Variants in INSR observed in about 807,000 individuals in gnomAD.
INSR encodes insulin receptor.
A neutral mutation model predicts 142.6 loss-of-function variants in INSR; 67 were observed. The ratio of observed to expected loss-of-function variants is 0.47; its 90% confidence interval spans 0.39 to 0.58. The LOEUF (loss-of-function observed/expected upper bound fraction) is 0.58, where lower values mean the gene tolerates loss of function less well. INSR is among the 20% of genes least tolerant of loss of function. The pLI, the probability that INSR is intolerant of heterozygous loss-of-function variation, is 0.00. For missense variants in INSR, 1,248 were observed against 1,833.2 expected (o/e 0.68, Z 5.83); for synonymous variants, 756 against 743.1 (o/e 1.02, Z -0.28).
At chr19:7,284,119 C>A (rs1264736962) in intron 1 of INSR, among the ~76,000 whole-genome samples, 1 of 151,904 alleles carries the variant, frequency 6.6e-6, no homozygotes, top group Non-Finnish European at 1.5e-5. Flanking sequence ...GGCTGGAGTG[C>A]AGTGGCACCG....
intron 9 of INSR, 138 bp from the exon 10 acceptor site, chr19:7,153,065 ACC>A: frequency 5.2e-6 from 2 of 383,240 alleles, no homozygotes; most frequent in Non-Finnish European, 9.9e-6. Flanking sequence ...ACACACACAC[ACC>A]ACACACATCA....
chr19:7,200,876 A>AG (rs1396761299), intron 2 of INSR, among the ~76,000 whole-genome samples: 1 of 150,924 alleles, frequency 6.6e-6, no homozygotes, highest in East Asian at 1.9e-4. Context: ...AAAAAAAAAA[A>AG]AAAAAGGCTG....
In INSR at chr19:7,115,271, G is replaced by C. The variant is rs1972295766; in HGVS notation, c.*1785C>G. ...TGAACCAAAGTGATGAGTTCACTGT[G>C]TTCTTTGAGCAGCTGTGGTGGTTCT... On this transcript the variant is annotated 3_prime_UTR_variant, in exon 22 of 22. Transcript: ENST00000302850. 1.3e-5 allele frequency: 2 copies of C among 152,366 alleles called. No individual in the cohort carries two copies. The highest frequency in any genetic ancestry group is 4.1e-4 in the South Asian group (2 of 4,832). 9.4% of individuals were successfully genotyped at this position (152,366 alleles called of 1,614,324 possible). A position where few individuals can be genotyped will look rare whatever the true frequency, so the allele number is the denominator to read the frequency against.
At chr19:7,285,820 G>A (rs932237467) in intron 1 of INSR, among the ~76,000 whole-genome samples, 12 of 152,110 alleles carry the variant, frequency 7.9e-5, no homozygotes, top group African/African-American at 2.9e-4. Flanking sequence ...AGGGGTGGAG[G>A]TGGTTTAGTG....
chr19:7,174,754 G>A (rs769079021), intron 3 of INSR, 23 bp from the exon 4 acceptor site: 61 of 1,603,006 alleles, frequency 3.8e-5, no homozygotes, highest in Non-Finnish European at 4.8e-5. Flanking sequence ...CAGAGAGAGA[G>A]AGAAAGAGAA....
rs568258415 is a variant in INSR at position 7,119,741 on chromosome 19, C to T, written c.3660-158G>A. ...ACATGCAAACACACACGCACATACA[C>T]GTGCACACACATGCAAATACACACA... On this transcript the variant is annotated intron_variant, in intron 20 of 21. Coordinates refer to ENST00000302850, the MANE Select transcript of INSR (RefSeq NM_000208.4). The surrounding 1 kb of genome is among the most constrained non-coding windows in gnomAD (Gnocchi z 5.2). 1.3e-5 allele frequency among the ~76,000 whole-genome samples: 2 copies of T among 150,836 alleles called. No homozygotes were observed. The highest frequency in any genetic ancestry group is 2.1e-4 in the South Asian group (1 of 4,738).
intron 13 of INSR, among the ~76,000 whole-genome samples, chr19:7,139,554 G>A (rs577862308): frequency 9.9e-5 from 15 of 152,188 alleles, no homozygotes; most frequent in Admixed American, 3.9e-4. Flanking sequence ...GCATATGCAC[G>A]TTTCTGCCAA....
chr19:7,148,477 C>CTTT (rs71177160), intron 11 of INSR, among the ~76,000 whole-genome samples: 28,906 of 94,616 alleles, frequency 0.31, 7,262 homozygotes, highest in Middle Eastern at 0.41. Flanking sequence ...TGTATTTATT[C>CTTT]TTTTTTTTTT....
At chr19:7,281,588 C>T (rs1041527386) in intron 1 of INSR, among the ~76,000 whole-genome samples, 3 of 151,690 alleles carry the variant, frequency 2.0e-5, no homozygotes, top group African/African-American at 4.8e-5. Context: ...GGAGGAAGCG[C>T]GAGAATCATT....
intron 2 of INSR, among the ~76,000 whole-genome samples, chr19:7,229,326 ATGGATAGATG>A (rs1270054586): frequency 2.9e-4 from 21 of 71,320 alleles, no homozygotes; most frequent in Non-Finnish European, 5.4e-4. Context: ...GGATGGATGG[ATGGATAGATG>A]GATGGATGGA....
intron 2 of INSR, among the ~76,000 whole-genome samples, chr19:7,262,450 C>T (rs918620818): frequency 2.0e-5 from 3 of 152,036 alleles, no homozygotes; most frequent in Admixed American, 1.3e-4. Flanking sequence ...CCAGCCTGGG[C>T]GACGAGAGCA....
rs769943820 is a variant in INSR, at chr19:7,174,767, G to C, written c.975-36C>G. ...AGCAGAGAGAGAGAGAAAGAGAAAGGGGAGGGGGGTGTCACGGTATCCAAG... is the reference window on the plus strand; with the variant it reads ...AGCAGAGAGAGAGAGAAAGAGAAAGCGGAGGGGGGTGTCACGGTATCCAAG... On this transcript the variant is annotated intron_variant, in intron 3 of 21. Transcript: ENST00000302850. The C allele has an allele frequency of 3.1e-6, 5 of 1,603,902 alleles. No individual in the cohort carries two copies. In the Admixed American group the frequency reaches 6.8e-5, roughly 22 times the overall value.
chr19:7,120,694 C>A lies in INSR; in HGVS notation c.3585G>T (p.Lys1195Asn). ...YETDYYRKGG[K>N]GLLPVRWMAP... Reference sequence around the variant, plus strand: ...CCATCCACCGTACAGGGAGCAGACCCTTGCCCCCTTTCCGGTAGTAATCCG... The same window carrying A: ...CCATCCACCGTACAGGGAGCAGACCATTGCCCCCTTTCCGGTAGTAATCCG... Residue 1195 changes from lysine (K) to asparagine (N), a missense_variant, in exon 20 of 22, where the codon AAG becomes AAT. This residue lies in a region of INSR where 1,069 missense variants were observed against 1,654.0 expected (regional missense o/e 0.65). Coordinates refer to ENST00000302850, the MANE Select transcript of INSR (RefSeq NM_000208.4). 4.3e-6 allele frequency: 7 copies of A among 1,613,998 alleles called. No individual in the cohort carries two copies. The highest frequency in any genetic ancestry group is 5.9e-6 in the Non-Finnish European group (7 of 1,179,856).
chr19:7,153,309 A>C (rs74178501), intron 9 of INSR, among the ~76,000 whole-genome samples: 38 of 94,092 alleles, frequency 4.0e-4, no homozygotes, highest in Non-Finnish European at 6.6e-4. Flanking sequence ...ACACCACACA[A>C]ATCACACACA....
rs1453252930 is a variant in INSR at position 7,243,245 on chromosome 19, T to TG, written c.652+24099_652+24100insC. Among the ~76,000 whole-genome samples the TG allele has an allele frequency of 8.6e-3, 1,128 of 131,190 alleles. 27 individuals carry two copies. Among genetic ancestry groups the TG allele is most frequent in the African/African-American group, 0.031 (1,058 of 34,438 alleles). The allele number at this position is 131,190 out of a possible 152,430, so 86.1% of individuals were successfully genotyped here. A position where few individuals can be genotyped will look rare whatever the true frequency, so the allele number is the denominator to read the frequency against. On this transcript the variant is annotated intron_variant, in intron 2 of 21. Coordinates refer to ENST00000302850, the MANE Select transcript of INSR (RefSeq NM_000208.4). ...CACACACTGTTTTGGTTTTTTTTTTTTTTTTTTTTTTTTTTTTTGAGATGC... is the reference window on the plus strand; with the variant it reads ...CACACACTGTTTTGGTTTTTTTTTTTGTTTTTTTTTTTTTTTTTTGAGATGC...
intron 2 of INSR, among the ~76,000 whole-genome samples, chr19:7,213,537 G>A (rs1975344744): frequency 6.6e-6 from 1 of 152,112 alleles, no homozygotes; most frequent in Admixed American, 6.6e-5. Context: ...GATAATTTAT[G>A]CAACAAAGGT....
chr19:7,278,562 A>C (rs2145231834), intron 1 of INSR, among the ~76,000 whole-genome samples: 1 of 152,358 alleles, frequency 6.6e-6, no homozygotes, highest in Non-Finnish European at 1.5e-5. Flanking sequence ...AGGGTAACCA[A>C]AAGAGAGCCA....
At chr19:7,184,672 A>C (rs1483073371) in intron 2 of INSR, 35 bp from the exon 3 acceptor site, 6 of 985,512 alleles carry the variant, frequency 6.1e-6, no homozygotes, top group African/African-American at 4.9e-5. Context: ...GGAAATAAAT[A>C]AATAAATAAA....
chr19:7,263,399 A>C (rs1442745452), intron 2 of INSR, among the ~76,000 whole-genome samples: 1 of 152,180 alleles, frequency 6.6e-6, no homozygotes, highest in Non-Finnish European at 1.5e-5. Context: ...GCAACAGTTC[A>C]AAAAACAATC....
Sources: gnomAD v4.1 joint callset for allele counts (sites outside exome capture counted in the v4.1 genomes callset) on GRCh38, gnomAD v4.1.1 for gene constraint, gnomAD v4.1.1 regional missense constraint, Gnocchi (gnomAD v3.1) non-coding constraint, MANE v1.5 for transcripts, NCBI Gene and HGNC (gene_info 2026-07-23, HGNC 2026-07-21) for gene names.